ADAM12: variants seen among roughly 807,000 people sequenced by gnomAD.
The protein encoded by ADAM12 is disintegrin and metalloproteinase domain-containing protein 12.
ADAM12 carries 70 observed loss-of-function variants against 106.4 expected under a neutral mutation model. The ratio of observed to expected loss-of-function variants is 0.66; its 90% CI spans 0.54 to 0.80. The LOEUF is 0.80. Among genes scored for constraint, ADAM12 ranks in the 30% least tolerant of loss-of-function variants. ADAM12 has a pLI of 0.00. For synonymous variants in ADAM12, 420 were observed against 433.5 expected (o/e 0.97, Z 0.39); for missense variants, 1,010 against 1,171.9 (o/e 0.86, Z 2.02).
chr10:126,165,977 CTT>C, intron 3 of ADAM12, among the ~76,000 whole-genome samples: 1 of 152,288 alleles, frequency 6.6e-6, no homozygotes. Flanking sequence ...ATCAAAACAA[CTT>C]TTGTTTTCCC....
At chr10:126,178,957 G>C (rs1957267112) in intron 3 of ADAM12, among the ~76,000 whole-genome samples, 1 of 152,056 alleles carries the variant, frequency 6.6e-6, no homozygotes, top group African/African-American at 2.4e-5. Flanking sequence ...TGAGGCAGGA[G>C]AATTGCTTGA....
At chr10:126,324,358 G>A (rs979365116) in intron 2 of ADAM12, among the ~76,000 whole-genome samples, 5 of 152,190 alleles carry the variant, frequency 3.3e-5, no homozygotes, top group African/African-American at 4.8e-5. Flanking sequence ...TGTAAAGAAC[G>A]TGGCCTATTT....
intron 3 of ADAM12, among the ~76,000 whole-genome samples, chr10:126,278,229 A>G (rs972660856): frequency 6.6e-6 from 1 of 152,224 alleles, no homozygotes; most frequent in Admixed American, 6.5e-5. Context: ...TACTAATGAA[A>G]TAGAATATTA....
chr10:126,265,177 T>A (rs749380563), intron 3 of ADAM12, among the ~76,000 whole-genome samples: 2 of 152,144 alleles, frequency 1.3e-5, no homozygotes, highest in Non-Finnish European at 2.9e-5. Flanking sequence ...AAATGTGAGA[T>A]GCTAAATTTG....
intron 1 of ADAM12, among the ~76,000 whole-genome samples, chr10:126,366,264 T>A (rs1025304208): frequency 6.6e-6 from 1 of 152,246 alleles, no homozygotes; most frequent in Non-Finnish European, 1.5e-5. Context: ...GACAGATGAA[T>A]GAATAATTTA....
intron 1 of ADAM12, among the ~76,000 whole-genome samples, chr10:126,334,845 G>A (rs1273376537): frequency 6.6e-6 from 1 of 152,282 alleles, no homozygotes; most frequent in Non-Finnish European, 1.5e-5. Flanking sequence ...GCAGCTCTAA[G>A]ACATACACAG....
At chr10:126,350,903 G>A (rs530662049) in intron 1 of ADAM12, among the ~76,000 whole-genome samples, 1 of 152,206 alleles carries the variant, frequency 6.6e-6, no homozygotes, top group East Asian at 1.9e-4. Context: ...CCTGTGACCT[G>A]AACTGCTGCC....
intron 3 of ADAM12, among the ~76,000 whole-genome samples, chr10:126,254,887 T>C (rs1342215041): frequency 6.6e-6 from 1 of 152,320 alleles, no homozygotes; most frequent in Middle Eastern, 3.4e-3. Flanking sequence ...TCATCTCTCT[T>C]GACATAAACC....
At chr10:126,356,253 A>C (rs1855534769) in intron 1 of ADAM12, among the ~76,000 whole-genome samples, 1 of 152,222 alleles carries the variant, frequency 6.6e-6, no homozygotes, top group Non-Finnish European at 1.5e-5. Flanking sequence ...CTGGTGAAGG[A>C]ATACACCCTG....
chr10:126,197,934 T>G (rs1403507826), intron 3 of ADAM12, among the ~76,000 whole-genome samples: 1 of 152,128 alleles, frequency 6.6e-6, no homozygotes, highest in African/African-American at 2.4e-5. Context: ...TGGGGTGACA[T>G]CACCTCCGTG....
chr10:126,071,399 G>A, intron 12 of ADAM12, 78 bp downstream of exon 12: 12 of 1,537,326 alleles, frequency 7.8e-6, no homozygotes, highest in Non-Finnish European at 9.8e-6. Context: ...TGGCTGTACA[G>A]TTCCTCCAAG....
chr10:126,117,954 C>A, intron 6 of ADAM12, 84 bp downstream of exon 6: 1 of 1,480,220 alleles, frequency 6.8e-7, no homozygotes. Context: ...TAGATGGCAA[C>A]ATTTCTCCAG....
chr10:126,143,576 T>A (rs1313409832), intron 4 of ADAM12, among the ~76,000 whole-genome samples: 1 of 69,530 alleles, frequency 1.4e-5, no homozygotes, highest in Non-Finnish European at 2.5e-5. Context: ...CACATGTGTA[T>A]ATTTGTGTGT....
intron 3 of ADAM12, among the ~76,000 whole-genome samples, chr10:126,212,246 A>T (rs939017350): frequency 2.0e-5 from 3 of 152,214 alleles, no homozygotes; most frequent in African/African-American, 7.2e-5. Context: ...TAGATGTGAA[A>T]ATTCAATCTG....
In ADAM12 at chr10:126,055,611, T is replaced by C. The variant is rs1248498742; in HGVS notation, c.1610-5942A>G. On this transcript the variant is annotated intron_variant, in intron 14 of 22. Transcript: ENST00000448723. The stretch of plus-strand genomic sequence containing the variant: ...AAATGGCAAAGTTGGGTTTGTCTCA[T>C]GGGTTTAAAGCCAAAACCCATGATC... Among the ~76,000 whole-genome samples, 4 of 152,302 alleles carry C rather than the reference T, an allele frequency of 2.6e-5. No homozygotes were observed. The East Asian group carries it at 7.7e-4, about 29-fold the overall frequency.
At chr10:126,365,924 T>G (rs1034531617) in intron 1 of ADAM12, among the ~76,000 whole-genome samples, 3 of 152,198 alleles carry the variant, frequency 2.0e-5, no homozygotes, top group Non-Finnish European at 2.9e-5. Flanking sequence ...CTGCTTACAT[T>G]TATTGGGATT....
intron 3 of ADAM12, among the ~76,000 whole-genome samples, chr10:126,165,238 G>T (rs1382701381): frequency 6.6e-6 from 1 of 152,092 alleles, no homozygotes; most frequent in Non-Finnish European, 1.5e-5. Context: ...TGCGATCCCG[G>T]CTCACTGCGA....
intron 1 of ADAM12, among the ~76,000 whole-genome samples, chr10:126,373,354 C>A (rs180939608): frequency 6.6e-6 from 1 of 152,152 alleles, no homozygotes; most frequent in Non-Finnish European, 1.5e-5. Flanking sequence ...GATGGCTTCA[C>A]CCCCAAAGCT....
intron 3 of ADAM12, among the ~76,000 whole-genome samples, chr10:126,256,840 G>T (rs563270104): frequency 2.0e-5 from 3 of 152,102 alleles, no homozygotes; most frequent in South Asian, 2.1e-4. Context: ...CATTGCAAAG[G>T]CTGGTTCTTT....
Sources: allele counts gnomAD v4.1 joint callset (sites outside exome capture counted in the v4.1 genomes callset), GRCh38; gene constraint gnomAD v4.1.1; transcripts MANE v1.5; gene names NCBI Gene and HGNC (gene_info 2026-07-23, HGNC 2026-07-21).